Variants in XPO5 observed in about 807,000 individuals in gnomAD.
The protein encoded by XPO5 is exportin-5.
XPO5 carries 46 observed loss-of-function variants against 160.6 expected under a neutral mutation model. That is an observed-to-expected ratio of 0.29 (90% CI 0.23 to 0.37). The LOEUF is 0.37. Among genes scored for constraint, XPO5 ranks in the 10% least tolerant of loss-of-function variants. XPO5 has a pLI of 1.00. For synonymous variants in XPO5, 537 were observed against 519.3 expected (o/e 1.03, Z -0.46); for missense variants, 1,090 against 1,463.9 (o/e 0.74, Z 4.17).
intron 19 of XPO5, 109 bp from the exon 20 acceptor site, chr6:43,546,861 A>G: frequency 1.8e-6 from 2 of 1,086,104 alleles, no homozygotes; most frequent in Non-Finnish European, 2.6e-6. Flanking sequence ...GAGGCCAGAG[A>G]GAATGAAATA....
At position 43,548,272 on chromosome 6, in the gene XPO5, T is replaced by C. The variant is rs1561875750; in HGVS notation, c.2049A>G (p.Gln683=). 2.5e-6 allele frequency: 4 copies of C among 1,610,038 alleles called. No homozygotes were observed. The highest frequency in any genetic ancestry group is 4.5e-5 in the East Asian group (2 of 44,822). ...GGGATCTCCTTTACCTGTGCATGTC[T>C]TGAGAAAGCCAGATGCTGGCCACTG... is the stretch of plus-strand genomic sequence containing the variant. ...MAPVASIWLS[Q]DMHRVLSDVD... The change falls in exon 18 of 32, where the codon CAA becomes CAG. Residue 683 remains glutamine, a synonymous_variant. Coordinates refer to ENST00000265351, the MANE Select transcript of XPO5 (RefSeq NM_020750.3).
intron 21 of XPO5, among the ~76,000 whole-genome samples, chr6:43,532,466 G>A (rs767777231): frequency 6.6e-6 from 1 of 152,200 alleles, no homozygotes; most frequent in Non-Finnish European, 1.5e-5. Flanking sequence ...TGGGAACAAG[G>A]TTTAGACAAC....
Position 43,524,606 on chromosome 6 carries a change from T to C in XPO5, c.3342A>G (p.Val1114=), listed in dbSNP as rs750353890. The change falls in exon 31 of 32, where the codon GTA becomes GTG. Residue 1114 remains valine, a synonymous_variant. Coordinates refer to ENST00000265351, the MANE Select transcript of XPO5 (RefSeq NM_020750.3). ...LRPRYLEIRA[V]MEQIPEIQKD... The stretch of plus-strand genomic sequence containing the variant: ...TCTGTATTTCAGGGATTTGCTCCAT[T>C]ACAGCTCTTATCTCCAGGTACCTGG... 1.9e-6 allele frequency: 3 copies of C among 1,613,866 alleles called. No individual in the cohort carries two copies. The highest frequency in any genetic ancestry group is 4.5e-5 in the East Asian group (2 of 44,890).
At chr6:43,541,633 T>TCTCTA (rs111644538) in intron 20 of XPO5, among the ~76,000 whole-genome samples, 28,361 of 151,932 alleles carry the variant, frequency 0.19, 5,628 homozygotes, top group African/African-American at 0.51. Context: ...GTACTTTCTG[T>TCTCTA]CTCTAGATAT....
rs564515094 is a variant in XPO5 at position 43,523,585 on chromosome 6, C to T, written c.*283G>A. ...GAGGGCTTGTGGGAGAAGGGCTGCT[C>T]TGCTCTAGCTTTTCTTGGAAAAGCC... On this transcript the variant is annotated 3_prime_UTR_variant, in exon 32 of 32. Coordinates refer to ENST00000265351, the MANE Select transcript of XPO5 (RefSeq NM_020750.3). 3 of 614,318 alleles carry T rather than the reference C, an allele frequency of 4.9e-6. No homozygotes were observed. Among genetic ancestry groups the T allele is most frequent in the Admixed American group, 3.9e-5 (2 of 51,560 alleles). The allele number at this position is 614,318 out of a possible 1,614,324, so 38.1% of individuals were successfully genotyped here.
In XPO5 at chr6:43,555,979, T is replaced by C. The variant is rs140856231; in HGVS notation, c.1313-15A>G. 3 of 1,613,092 alleles carry C rather than the reference T, an allele frequency of 1.9e-6. No homozygotes were observed. The highest frequency in any genetic ancestry group is 1.3e-5 in the African/African-American group (1 of 74,962). Reference sequence around the variant, plus strand: ...TGCTCGGGAGGCTGCCAAGAGAAAATGCCAAGGGAAGGACAGGAATCAATA... The same window carrying C: ...TGCTCGGGAGGCTGCCAAGAGAAAACGCCAAGGGAAGGACAGGAATCAATA... On this transcript the variant is annotated splice_polypyrimidine_tract_variant and intron_variant, in intron 12 of 31. Transcript: ENST00000265351.
At chr6:43,524,081 TG>T in intron 31 of XPO5, 76 bp from the exon 32 acceptor site, 1 of 1,546,650 alleles carries the variant, frequency 6.5e-7, no homozygotes, top group African/African-American at 1.4e-5. Flanking sequence ...CCCGGCGCAG[TG>T]GCTCGCGCCT....
At chr6:43,535,534 G>A (rs1288968065) in intron 20 of XPO5, among the ~76,000 whole-genome samples, 1 of 152,134 alleles carries the variant, frequency 6.6e-6, no homozygotes, top group Non-Finnish European at 1.5e-5. Flanking sequence ...AGCCTCCATA[G>A]TTTGTTCTGT....
rs750370357 is a variant in XPO5, at chr6:43,524,813, C to A, written c.3312+18G>T. 1.2e-5 allele frequency: 19 copies of A among 1,612,376 alleles called. No individual in the cohort carries two copies. In the South Asian group the frequency reaches 1.9e-4, roughly 16 times the overall value. ...GATGAAGCTGCAGCCATCCTTCCCC[C>A]ATGCCTTCCCCACTCACCAGTGCCT... On this transcript the variant is annotated intron_variant, in intron 30 of 31. Transcript: ENST00000265351.
chr6:43,565,446 TC>T (rs1762647197), intron 8 of XPO5, among the ~76,000 whole-genome samples: 1 of 151,412 alleles, frequency 6.6e-6, no homozygotes, highest in Admixed American at 6.6e-5. Flanking sequence ...GCGCCTGTAA[TC>T]CCAGCTACTC....
chr6:43,552,286 G>A (rs1262026700), intron 14 of XPO5, among the ~76,000 whole-genome samples: 2 of 152,094 alleles, frequency 1.3e-5, no homozygotes, highest in Admixed American at 1.3e-4. Flanking sequence ...CTGAGCTCCT[G>A]ACCTCAGGTG....
intron 31 of XPO5, 77 bp from the exon 32 acceptor site, chr6:43,524,082 G>A (rs1793375810): frequency 6.5e-7 from 1 of 1,543,980 alleles, no homozygotes; most frequent in Non-Finnish European, 8.7e-7. Flanking sequence ...CCGGCGCAGT[G>A]GCTCGCGCCT....
chr6:43,572,366 T>C, intron 3 of XPO5, 140 bp downstream of exon 3: 1 of 789,048 alleles, frequency 1.3e-6, no homozygotes, highest in Admixed American at 2.4e-5. Flanking sequence ...TGTGAGTCAC[T>C]GTGCCTGGCC....
chr6:43,547,800 C>A, intron 18 of XPO5, 93 bp from the exon 19 acceptor site: 1 of 1,092,304 alleles, frequency 9.2e-7, no homozygotes, highest in South Asian at 1.3e-5. Context: ...TTATTTGGCC[C>A]TTAAGAGCAG....
chr6:43,572,448 A>G (rs1462822248), intron 3 of XPO5, 58 bp downstream of exon 3: 1 of 1,537,618 alleles, frequency 6.5e-7, no homozygotes, highest in Non-Finnish European at 9.0e-7. Context: ...CCTATTGAAG[A>G]AGTCACGCTT....
chr6:43,528,333 G>A, intron 24 of XPO5, 128 bp from the exon 25 acceptor site: 1 of 868,878 alleles, frequency 1.2e-6, no homozygotes, highest in Non-Finnish European at 1.8e-6. Flanking sequence ...GACAACTTCT[G>A]TAGACTCCAC....
Position 43,560,704 on chromosome 6 carries a change from C to T in XPO5, c.1095+220G>A, listed in dbSNP as rs1096699. 0.24 allele frequency among the ~76,000 whole-genome samples: 36,445 copies of T among 152,120 alleles called. 5,530 individuals are homozygous for T. Among genetic ancestry groups the T allele is most frequent in the Non-Finnish European group, 0.32 (21,861 of 67,980 alleles). ...CACCTCACATGTGACTGAGTACAAT[C>T]AGAATATTACCTAAAGGGAAAAGCT... On this transcript the variant is annotated intron_variant, in intron 10 of 31. Coordinates refer to ENST00000265351, the MANE Select transcript of XPO5 (RefSeq NM_020750.3).
intron 22 of XPO5, 61 bp from the exon 23 acceptor site, chr6:43,530,885 C>T: frequency 6.5e-7 from 1 of 1,538,574 alleles, no homozygotes; most frequent in Middle Eastern, 1.7e-4. Context: ...ACTGCCAGCC[C>T]TGTCCCATGA....
At chr6:43,558,285 T>A (rs1762219171) in intron 12 of XPO5, among the ~76,000 whole-genome samples, 1 of 152,120 alleles carries the variant, frequency 6.6e-6, no homozygotes, top group Admixed American at 6.6e-5. Context: ...AACATCAATG[T>A]CTAAGTGCTG....
Sources: allele counts gnomAD v4.1 joint callset (sites outside exome capture counted in the v4.1 genomes callset), GRCh38; gene constraint gnomAD v4.1.1; transcripts MANE v1.5; gene names NCBI Gene and HGNC (gene_info 2026-07-23, HGNC 2026-07-21).